Variants in EPYC observed in about 807,000 individuals in gnomAD.
The protein encoded by EPYC is epiphycan.
In EPYC, 28 loss-of-function variants were observed where a neutral mutation model predicts 30.1. The observed-to-expected ratio is 0.93, with a 90% CI of 0.69 to 1.28. The LOEUF is 1.28. Ranked by LOEUF, EPYC falls within the 50% of genes most tolerant of loss-of-function variation. The pLI is 0.00. For synonymous variants in EPYC, 144 were observed against 141.4 expected (o/e 1.02, Z -0.13); for missense variants, 382 against 383.5 (o/e 1.00, Z 0.03).
intron 2 of EPYC, among the ~76,000 whole-genome samples, chr12:90,986,079 G>T (rs760052900): frequency 7.9e-5 from 12 of 151,960 alleles, no homozygotes; most frequent in Non-Finnish European, 1.5e-4. Context: ...CCCTTATTAG[G>T]GAGGGACATA....
chr12:90,980,274 G>A (rs1877294890), intron 2 of EPYC, among the ~76,000 whole-genome samples: 1 of 152,170 alleles, frequency 6.6e-6, no homozygotes, highest in Non-Finnish European at 1.5e-5. Flanking sequence ...CTGATTTGAT[G>A]TGAAGCTGTA....
intron 2 of EPYC, among the ~76,000 whole-genome samples, chr12:90,988,583 A>T (rs182572635): frequency 1.4e-3 from 210 of 152,270 alleles, no homozygotes; most frequent in Admixed American, 2.3e-3. Flanking sequence ...AGCCAAGTAT[A>T]TTTCTGCTTA....
At chr12:90,972,671 C>T in intron 4 of EPYC, 151 bp downstream of exon 4, 1 of 656,724 alleles carries the variant, frequency 1.5e-6, no homozygotes. Context: ...ATTGTTAAAG[C>T]AAACTCTCAA....
chr12:91,003,373 A>G (rs1812719374), intron 1 of EPYC, among the ~76,000 whole-genome samples: 3 of 152,168 alleles, frequency 2.0e-5, no homozygotes, highest in Non-Finnish European at 4.4e-5. Context: ...TGAACTCAGA[A>G]CCAACAGGAA....
At chr12:90,993,778 T>C (rs560066204) in intron 2 of EPYC, among the ~76,000 whole-genome samples, 8 of 151,678 alleles carry the variant, frequency 5.3e-5, no homozygotes, top group Non-Finnish European at 1.0e-4. Flanking sequence ...TGAGATAAAA[T>C]TATTGAACTA....
chr12:90,971,808 C>G lies in EPYC; in HGVS notation c.694G>C (p.Ala232Pro). The G allele has an allele frequency of 6.3e-7, 1 of 1,587,738 alleles. No homozygotes were observed. Among genetic ancestry groups the G allele is most frequent in the Non-Finnish European group, 8.6e-7 (1 of 1,168,894 alleles). The change falls in exon 5 of 7, where the codon GCA becomes CCA. Residue 232 changes from alanine (A) to proline (P), a missense_variant. By Grantham distance (27) the Ala-to-Pro change is conservative. Coordinates refer to ENST00000261172, the MANE Select transcript of EPYC (RefSeq NM_004950.5). ...TCAAACTTAAAACTTACTTTAAATG[C>G]TTCTTGCTTTATCCCTTTCCTTCCA... ...RLGRKGIKQE[A>P]FKDMYDLHHL...
At chr12:90,971,672 C>CAATAAATAAATAAATAAATAAATA (rs57567044) in intron 5 of EPYC, 128 bp downstream of exon 5, 1 of 196,634 alleles carries the variant, frequency 5.1e-6, no homozygotes, top group Non-Finnish European at 9.1e-6. Flanking sequence ...GACCCTATCT[C>CAATAAATAAATAAATAAATAAATA]AATAAATAAA....
intron 2 of EPYC, among the ~76,000 whole-genome samples, chr12:91,000,663 C>A (rs1039199055): frequency 2.0e-5 from 3 of 151,880 alleles, no homozygotes; most frequent in Admixed American, 1.3e-4. Flanking sequence ...AAAACCTACT[C>A]AAAATAGAAG....
chr12:90,977,183 A>C (rs1047899134), intron 3 of EPYC, among the ~76,000 whole-genome samples: 1 of 152,032 alleles, frequency 6.6e-6, no homozygotes, highest in African/African-American at 2.4e-5. Flanking sequence ...CATTCACTCA[A>C]CCTTTGCAGG....
At chr12:90,993,106 C>G (rs75357115) in intron 2 of EPYC, among the ~76,000 whole-genome samples, 76 of 152,236 alleles carry the variant, frequency 5.0e-4, no homozygotes, top group African/African-American at 1.7e-3. Flanking sequence ...TTCTTAGATC[C>G]TCTGTTGATC....
chr12:91,002,841 A>G (rs1309880104), intron 1 of EPYC, among the ~76,000 whole-genome samples: 1 of 130,908 alleles, frequency 7.6e-6, no homozygotes, highest in African/African-American at 2.8e-5. Flanking sequence ...TATTTTATAG[A>G]GAAAAACAGA....
chr12:91,003,469 G>A (rs907181755), intron 1 of EPYC, among the ~76,000 whole-genome samples: 6 of 151,836 alleles, frequency 4.0e-5, no homozygotes, highest in African/African-American at 1.4e-4. Flanking sequence ...TCCTTAATAA[G>A]CACAATTCTT....
intron 6 of EPYC, among the ~76,000 whole-genome samples, 163 bp from the exon 7 acceptor site, chr12:90,964,489 A>G (rs1876846004): frequency 6.6e-6 from 1 of 152,208 alleles, no homozygotes; most frequent in African/African-American, 2.4e-5. Flanking sequence ...ATGGGGGTAA[A>G]TTAGGAAATA....
intron 3 of EPYC, among the ~76,000 whole-genome samples, chr12:90,975,409 A>C (rs1018711929): frequency 6.6e-6 from 1 of 152,046 alleles, no homozygotes; most frequent in Non-Finnish European, 1.5e-5. Context: ...TTTTAGTAGT[A>C]AAAATATGGT....
At chr12:90,979,466 C>T (rs940422927) in intron 2 of EPYC, among the ~76,000 whole-genome samples, 1 of 151,990 alleles carries the variant, frequency 6.6e-6, no homozygotes, top group African/African-American at 2.4e-5. Flanking sequence ...ATTTTCAGAC[C>T]AGGTATTTTC....
chr12:90,984,533 C>A (rs1349615437), intron 2 of EPYC, among the ~76,000 whole-genome samples: 10 of 152,056 alleles, frequency 6.6e-5, no homozygotes, highest in African/African-American at 2.4e-4. Context: ...AAAATGGCCA[C>A]CTGAGGGAAG....
intron 3 of EPYC, among the ~76,000 whole-genome samples, chr12:90,974,072 A>ACACACACCCCC (rs71094701): frequency 1.0e-4 from 15 of 144,114 alleles, no homozygotes; most frequent in Non-Finnish European, 2.0e-4. Context: ...ACACACACAC[A>ACACACACCCCC]CCCCTACCTC....
In EPYC at chr12:91,004,959, C is replaced by T. The variant is rs531201394; in HGVS notation, c.-26G>A. The T allele has an allele frequency of 2.0e-5, 3 of 152,022 alleles. No homozygotes were observed. The highest frequency in any genetic ancestry group is 4.4e-5 in the Non-Finnish European group (3 of 67,998). The allele number at this position is 152,022 out of a possible 1,614,324, so 9.4% of individuals were successfully genotyped here. A position where few individuals can be genotyped will look rare whatever the true frequency, so the allele number is the denominator to read the frequency against. On this transcript the variant is annotated 5_prime_UTR_variant, in exon 1 of 7. Transcript: ENST00000261172. ...TATAAAAACTTACCTTTGGCTCTGA[C>T]CTGATGAAATGGCACAAAGTGACTG...
At chr12:90,978,545 G>GT (rs1877251309) in intron 2 of EPYC, among the ~76,000 whole-genome samples, 3 of 150,408 alleles carry the variant, frequency 2.0e-5, no homozygotes, top group Non-Finnish European at 4.4e-5. Flanking sequence ...CATTTCATAG[G>GT]TTTAAAAAAA....
Sources: gnomAD v4.1 joint callset for allele counts (sites outside exome capture counted in the v4.1 genomes callset) on GRCh38, gnomAD v4.1.1 for gene constraint, MANE v1.5 for transcripts, NCBI Gene and HGNC (gene_info 2026-07-23, HGNC 2026-07-21) for gene names.